ACO1: variants seen among roughly 807,000 people sequenced by gnomAD.
ACO1 encodes the protein cytoplasmic aconitate hydratase.
ACO1 carries 78 observed loss-of-function variants against 105.1 expected under a neutral mutation model. The ratio of observed to expected loss-of-function variants is 0.74; its 90% confidence interval spans 0.62 to 0.90. The LOEUF (loss-of-function observed/expected upper bound fraction) is 0.90, where lower values mean the gene tolerates loss of function less well. Among genes scored for constraint, ACO1 ranks in the 40% least tolerant of loss-of-function variants. The pLI is 0.00. For missense variants in ACO1, 965 were observed against 1,111.1 expected (o/e 0.87, Z 1.87); for synonymous variants, 364 against 397.4 (o/e 0.92, Z 1.00).
intron 1 of ACO1, among the ~76,000 whole-genome samples, 192 bp downstream of exon 1, chr9:32,384,927 C>G (rs1821124793): frequency 6.6e-6 from 1 of 152,234 alleles, no homozygotes; most frequent in Non-Finnish European, 1.5e-5. Context: ...CCACCCTGTC[C>G]CCAGTCTATG....
chr9:32,415,869 T>G (rs557486492), intron 4 of ACO1, among the ~76,000 whole-genome samples: 1 of 152,124 alleles, frequency 6.6e-6, no homozygotes, highest in Non-Finnish European at 1.5e-5. Context: ...CTGTCACATA[T>G]TCTTCCCCCC....
chr9:32,449,750 C>G (rs1304284720), intron 20 of ACO1, among the ~76,000 whole-genome samples: 1 of 152,160 alleles, frequency 6.6e-6, no homozygotes, highest in Admixed American at 6.5e-5. Context: ...TGGCTCTCAC[C>G]CCCATCATTT....
chr9:32,403,643 A>G (rs191122046), intron 1 of ACO1, among the ~76,000 whole-genome samples: 1 of 152,330 alleles, frequency 6.6e-6, no homozygotes, highest in African/African-American at 2.4e-5. Context: ...TAATAAGTAC[A>G]AGTTAACAAC....
chr9:32,387,491 T>A (rs1563925077), intron 1 of ACO1, among the ~76,000 whole-genome samples: 1 of 152,204 alleles, frequency 6.6e-6, no homozygotes, highest in Non-Finnish European at 1.5e-5. Flanking sequence ...CAGCTGACAC[T>A]GCTATTGTCT....
chr9:32,430,293 G>C (rs1822196697), intron 13 of ACO1, 125 bp from the exon 14 acceptor site: 2 of 947,874 alleles, frequency 2.1e-6, no homozygotes, highest in Non-Finnish European at 3.1e-6. Flanking sequence ...TAGTGGGAGA[G>C]AACCAAGTGA....
Position 32,418,217 on chromosome 9 carries a change from C to T in ACO1, c.474+20C>T, listed in dbSNP as rs764066830. ...TTAAAGGTATGGGCAGGGTCTGGTT[C>T]CATTGTTTGGTTTTCTTTGTAGGCA... On this transcript the variant is annotated intron_variant, in intron 5 of 20. Coordinates refer to ENST00000309951, the MANE Select transcript of ACO1 (RefSeq NM_002197.3). 2 of 1,613,858 alleles carry T rather than the reference C, an allele frequency of 1.2e-6. No homozygotes were observed. Among genetic ancestry groups the T allele is most frequent in the Admixed American group, 3.3e-5 (2 of 60,002 alleles).
intron 1 of ACO1, among the ~76,000 whole-genome samples, chr9:32,397,554 T>C (rs1361270244): frequency 4.6e-5 from 7 of 152,222 alleles, no homozygotes. Flanking sequence ...TAGACATCCT[T>C]GGAATTTTAC....
chr9:32,440,555 C>T lies in ACO1; in HGVS notation c.2338C>T (p.Arg780Ter), dbSNP rs545955861. The T allele has an allele frequency of 6.2e-6, 10 of 1,613,950 alleles. 1 individual carries two copies. Among genetic ancestry groups the T allele is most frequent in the South Asian group, 5.5e-5 (5 of 91,060 alleles). ...AGKEYGAGSS[R>*]DWAAKGPFLL... ...CAAAGAGTACGGTGCAGGCAGCTCC[C>T]GAGACTGGGCAGCTAAGGGCCCTTT... is the stretch of plus-strand genomic sequence containing the variant. Residue 780 changes from arginine (R) to a stop codon, truncating the protein, a stop_gained, in exon 19 of 21, where the codon CGA becomes TGA. Transcript: ENST00000309951. LOFTEE classifies it high-confidence loss of function.
chr9:32,427,384 G>A lies in ACO1; in HGVS notation c.1432G>A (p.Val478Ile), dbSNP rs760149257. ...KTSLSPGSGV[V>I]TYYLQESGVM... ...TAGCCTGTCTCCTGGGAGTGGCGTG[G>A]TCACCTACTACCTACAAGAAAGCGG... is the stretch of plus-strand genomic sequence containing the variant. Residue 478 changes from valine (V) to isoleucine (I), a missense_variant, in exon 12 of 21, where the codon GTC (valine) becomes ATC (isoleucine). Val to Ile is a conservative substitution (Grantham distance 29). Coordinates refer to ENST00000309951, the MANE Select transcript of ACO1 (RefSeq NM_002197.3). 2 of 1,614,194 alleles carry A rather than the reference G, an allele frequency of 1.2e-6. No individual in the cohort carries two copies. The highest frequency in any genetic ancestry group is 2.2e-5 in the East Asian group (1 of 44,886).
intron 1 of ACO1, among the ~76,000 whole-genome samples, chr9:32,401,193 TA>T (rs146990516): frequency 0.026 from 4,033 of 152,300 alleles, 175 homozygotes; most frequent in African/African-American, 0.093. Flanking sequence ...TTCCAAAGTT[TA>T]GCTGTCAGTT....
rs575676939 is a variant in ACO1 at position 32,451,173 on chromosome 9, G to C, written c.*1062G>C. The C allele has an allele frequency of 2.0e-5, 3 of 152,090 alleles. No homozygotes were observed. Among genetic ancestry groups the C allele is most frequent in the Non-Finnish European group, 4.4e-5 (3 of 68,028 alleles). The allele number at this position is 152,090 out of a possible 1,614,324, so 9.4% of individuals were successfully genotyped here. A position where few individuals can be genotyped will look rare whatever the true frequency, so the allele number is the denominator to read the frequency against. Reference sequence around the variant, plus strand: ...TTCTGGGCATGCCTTAGTTTGCTTGGGTTGCTATAATGTAATGCCATAGAC... The same window carrying C: ...TTCTGGGCATGCCTTAGTTTGCTTGCGTTGCTATAATGTAATGCCATAGAC... On this transcript the variant is annotated 3_prime_UTR_variant, in exon 21 of 21. Transcript: ENST00000309951.
rs1049919993 is a variant in ACO1, at chr9:32,430,523, G to C, written c.1675G>C (p.Ala559Pro). The C allele has an allele frequency of 1.2e-6, 2 of 1,609,930 alleles. No homozygotes were observed. The highest frequency in any genetic ancestry group is 2.2e-5 in the South Asian group (2 of 89,938). Residue 559 changes from alanine to proline, a missense_variant, in exon 14 of 21, where the codon GCA becomes CCA. By Grantham distance (27) the Ala-to-Pro change is conservative. Transcript: ENST00000309951. ...NYLASPPLVI[A>P]YAIAGTIRID... is the part of the protein sequence containing the mutation. ...TTTAGCCTCTCCCCCCTTAGTAATA[G>C]CATATGCAATTGCTGGAACCATCAG...
intron 1 of ACO1, among the ~76,000 whole-genome samples, chr9:32,403,255 T>C (rs537340169): frequency 2.6e-5 from 4 of 152,294 alleles, no homozygotes; most frequent in African/African-American, 9.6e-5. Context: ...ATCTGTACAA[T>C]GGAAATAATG....
chr9:32,442,006 C>G (rs1178639031), intron 19 of ACO1, among the ~76,000 whole-genome samples: 2 of 152,272 alleles, frequency 1.3e-5, no homozygotes, highest in South Asian at 2.1e-4. Context: ...ATCCCTAAAA[C>G]CCTAGAAAAG....
chr9:32,398,087 GCTC>G (rs1270160789), intron 1 of ACO1, among the ~76,000 whole-genome samples: 2 of 152,216 alleles, frequency 1.3e-5, no homozygotes, highest in East Asian at 1.9e-4. Context: ...CCTCTCCTGT[GCTC>G]CTCCTCCTGC....
At chr9:32,434,393 T>G (rs564100645) in intron 16 of ACO1, among the ~76,000 whole-genome samples, 166 bp from the exon 17 acceptor site, 145 of 152,366 alleles carry the variant, frequency 9.5e-4, no homozygotes, top group African/African-American at 3.4e-3. Flanking sequence ...TAAATTCACC[T>G]TACTTTTCTT....
rs1821899412 is a variant in ACO1 at position 32,418,445 on chromosome 9, C to T, written c.592C>T (p.Pro198Ser). ...VVFDQDGYYY[P>S]DSLVGTDSHT... ...ATTTGATCAGGATGGATATTATTAC[C>T]CAGACAGCCTCGTGGGCACAGACTC... The change falls in exon 6 of 21, where the codon CCA (proline) becomes TCA (serine). Residue 198 changes from proline to serine, a missense_variant. By Grantham distance (74) the Pro-to-Ser change is moderately conservative. Transcript: ENST00000309951. 6.2e-7 allele frequency: 1 copy of T among 1,614,142 alleles called. No individual in the cohort carries two copies. The highest frequency in any genetic ancestry group is 8.5e-7 in the Non-Finnish European group (1 of 1,180,028).
chr9:32,444,880 T>C (rs1822564179), intron 19 of ACO1, among the ~76,000 whole-genome samples: 1 of 152,164 alleles, frequency 6.6e-6, no homozygotes. Flanking sequence ...AATCATGTGG[T>C]TTTTGTCTTT....
At chr9:32,424,469 T>G in intron 9 of ACO1, 80 bp from the exon 10 acceptor site, 1 of 928,490 alleles carries the variant, frequency 1.1e-6, no homozygotes, top group Non-Finnish European at 1.7e-6. Flanking sequence ...TGTCATGTTT[T>G]AAATTCTCTG....
Sources: gnomAD v4.1 joint callset for allele counts (sites outside exome capture counted in the v4.1 genomes callset) on GRCh38, gnomAD v4.1.1 for gene constraint, MANE v1.5 for transcripts, NCBI Gene and HGNC (gene_info 2026-07-23, HGNC 2026-07-21) for gene names.